The following TASP1 variants were observed in gnomAD, a reference collection of about 807,000 sequenced individuals.
The protein encoded by TASP1 is taspase 1, also known as threonine aspartase 1.
A neutral mutation model predicts 56.6 loss-of-function variants in TASP1; 16 were observed. The observed-to-expected ratio is 0.28, with a 90% CI of 0.19 to 0.43. The LOEUF is 0.43. TASP1 is among the 20% of genes least tolerant of loss of function. TASP1 has a pLI of 1.00. For synonymous variants in TASP1, 179 were observed against 184.2 expected (o/e 0.97, Z 0.23); for missense variants, 393 against 511.6 (o/e 0.77, Z 2.24).
chr20:13,358,380 C>A, the TASP1 span, among the ~76,000 whole-genome samples: 3 of 152,182 alleles, frequency 2.0e-5, no homozygotes, highest in Admixed American at 6.5e-5. Context: ...GAGATCAATC[C>A]CCCGTCCTCC....
intron 13 of TASP1, among the ~76,000 whole-genome samples, chr20:13,415,180 T>C (rs146167554): frequency 3.9e-5 from 6 of 152,312 alleles, no homozygotes; most frequent in African/African-American, 1.4e-4. Flanking sequence ...AAACCAGTCA[T>C]GATGCTGAAC....
At chr20:13,407,411 T>C (rs1032789062) in intron 13 of TASP1, among the ~76,000 whole-genome samples, 2 of 152,234 alleles carry the variant, frequency 1.3e-5, no homozygotes, top group Non-Finnish European at 2.9e-5. Context: ...CTGCACTTCA[T>C]TCCTTTTTAC....
chr20:13,429,030 G>A (rs772617897), intron 12 of TASP1, among the ~76,000 whole-genome samples: 4 of 152,148 alleles, frequency 2.6e-5, no homozygotes, highest in South Asian at 2.1e-4. Context: ...ATTTTCCAGC[G>A]CCTGGAAAGA....
At chr20:13,196,751 A>T in the TASP1 span, among the ~76,000 whole-genome samples, 1 of 152,146 alleles carries the variant, frequency 6.6e-6, no homozygotes, top group Non-Finnish European at 1.5e-5. Flanking sequence ...TTCTCAATAT[A>T]CTCACAGAAA....
At chr20:13,238,789 A>G in the TASP1 span, among the ~76,000 whole-genome samples, 1 of 152,218 alleles carries the variant, frequency 6.6e-6, no homozygotes, top group African/African-American at 2.4e-5. Context: ...TAATCCTTTC[A>G]GGTTCACTCA....
At chr20:13,413,457 T>C (rs1431195500) in intron 13 of TASP1, among the ~76,000 whole-genome samples, 1 of 152,086 alleles carries the variant, frequency 6.6e-6, no homozygotes, top group Admixed American at 6.6e-5. Flanking sequence ...AAGCTTAGTC[T>C]CTCTTAGATC....
At chr20:13,188,832 T>C in the TASP1 span, among the ~76,000 whole-genome samples, 1 of 152,212 alleles carries the variant, frequency 6.6e-6, no homozygotes, top group Admixed American at 6.5e-5. Flanking sequence ...GGATGAACTG[T>C]AACCTAGCTT....
the TASP1 span, among the ~76,000 whole-genome samples, chr20:13,183,754 G>T: frequency 6.6e-6 from 1 of 152,146 alleles, no homozygotes; most frequent in African/African-American, 2.4e-5. Flanking sequence ...AGTGGACCGG[G>T]CGTGGTGGCT....
chr20:13,106,471 T>A, the TASP1 span, among the ~76,000 whole-genome samples: 3 of 152,122 alleles, frequency 2.0e-5, no homozygotes, highest in Admixed American at 6.5e-5. Flanking sequence ...GAGTTTGGGT[T>A]AAGACTTCAG....
chr20:13,148,426 G>C, the TASP1 span, among the ~76,000 whole-genome samples: 1 of 152,102 alleles, frequency 6.6e-6, no homozygotes, highest in Non-Finnish European at 1.5e-5. Flanking sequence ...TCAGGGGTGG[G>C]GTCGACAGGG....
chr20:13,147,662 A>G, the TASP1 span, among the ~76,000 whole-genome samples: 4 of 152,202 alleles, frequency 2.6e-5, no homozygotes, highest in Non-Finnish European at 5.9e-5. Context: ...TTTCAGAAAT[A>G]TCAACTTCTT....
intron 10 of TASP1, among the ~76,000 whole-genome samples, chr20:13,492,821 T>A (rs1022112828): frequency 1.3e-5 from 2 of 152,226 alleles, no homozygotes; most frequent in African/African-American, 4.8e-5. Flanking sequence ...TTTATAATTA[T>A]CTCCTAGAGA....
At chr20:13,615,884 GA>G (rs952602361) in intron 4 of TASP1, among the ~76,000 whole-genome samples, 13 of 151,486 alleles carry the variant, frequency 8.6e-5, no homozygotes, top group Non-Finnish European at 1.9e-4. Context: ...TTGAGAGATG[GA>G]AAAAAAACTT....
At chr20:13,485,026 T>C (rs939868646) in intron 10 of TASP1, among the ~76,000 whole-genome samples, 3 of 152,138 alleles carry the variant, frequency 2.0e-5, no homozygotes, top group African/African-American at 7.2e-5. Flanking sequence ...AAATACCTAA[T>C]GTAAGTGATG....
At chr20:13,579,432 G>A (rs949003013) in intron 6 of TASP1, among the ~76,000 whole-genome samples, 6 of 151,678 alleles carry the variant, frequency 4.0e-5, no homozygotes, top group South Asian at 4.2e-4. Context: ...GAAGTGGCGC[G>A]ATCTCAGCTC....
chr20:13,305,389 T>C, the TASP1 span, among the ~76,000 whole-genome samples: 1 of 152,108 alleles, frequency 6.6e-6, no homozygotes, highest in African/African-American at 2.4e-5. Flanking sequence ...AAGTGAGCAA[T>C]AGTGATCAAA....
chr20:13,629,962 T>C lies in TASP1; in HGVS notation c.117A>G (p.Lys39=), dbSNP rs781694417. Residue 39 remains lysine, a synonymous_variant, in exon 2 of 14, where the codon AAA becomes AAG. Transcript: ENST00000337743. ...CATGCACCAACACAAAGCCTCCTCG[T>C]TTCTCTTTATAGGACTGCTTTGTTT... ...ELETKQSYKE[K]RGGFVLVHAG... is the part of the protein sequence containing the mutation. The C allele has an allele frequency of 6.2e-7, 1 of 1,613,806 alleles. No homozygotes were observed. The highest frequency in any genetic ancestry group is 2.2e-5 in the East Asian group (1 of 44,864).
the TASP1 span, among the ~76,000 whole-genome samples, chr20:13,111,948 G>A: frequency 2.0e-5 from 3 of 152,104 alleles, no homozygotes; most frequent in South Asian, 2.1e-4. Flanking sequence ...CATGCCAGGC[G>A]CCTGCATCCC....
chr20:13,161,069 A>C, the TASP1 span, among the ~76,000 whole-genome samples: 1 of 152,226 alleles, frequency 6.6e-6, no homozygotes, highest in Non-Finnish European at 1.5e-5. Flanking sequence ...ACAAGAGATG[A>C]CAAGGCTAAT....
Sources: allele counts gnomAD v4.1 joint callset (sites outside exome capture counted in the v4.1 genomes callset), GRCh38; gene constraint gnomAD v4.1.1; transcripts MANE v1.5; gene names NCBI Gene and HGNC (gene_info 2026-07-23, HGNC 2026-07-21).